The following UNKL variants were observed in gnomAD, a reference collection of about 807,000 sequenced individuals.
UNKL encodes the protein unk like zinc finger.
UNKL carries 60 observed loss-of-function variants against 78.0 expected under a neutral mutation model. The ratio of observed to expected loss-of-function variants is 0.77; its 90% CI spans 0.63 to 0.95. The LOEUF (loss-of-function observed/expected upper bound fraction) is 0.95. UNKL is among the 40% of genes least tolerant of loss of function. UNKL has a pLI of 0.00. For synonymous variants in UNKL, 608 were observed against 474.8 expected (o/e 1.28, Z -3.65); for missense variants, 1,159 against 1,045.7 (o/e 1.11, Z -1.49).
chr16:1,367,495 TC>T, intron 13 of UNKL, 146 bp from the exon 14 acceptor site: 1 of 97,000 alleles, frequency 1.0e-5, no homozygotes, highest in Non-Finnish European at 1.5e-5. Flanking sequence ...CCTCCCTCCC[TC>T]CCTCCCTCCC....
intron 10 of UNKL, among the ~76,000 whole-genome samples, chr16:1,372,721 G>A (rs959585535): frequency 4.6e-5 from 7 of 152,190 alleles, no homozygotes; most frequent in African/African-American, 1.2e-4. Flanking sequence ...CCAGAGGACC[G>A]CAGCGGCTGC....
At position 1,363,723 on chromosome 16, in the gene UNKL, G is replaced by GGCCCCAGGGCACACA. The variant is rs2035019095; in HGVS notation, c.*2502_*2516dup. ...CATGGCCACCAAGACAGGTGAGGGA[G>GGCCCCAGGGCACACA]GCCCCAGGGCACACAGCCCCAGGAT... On this transcript the variant is annotated 3_prime_UTR_variant, in exon 15 of 15. Transcript: ENST00000389221. 2 of 164,138 alleles carry GGCCCCAGGGCACACA rather than the reference G, an allele frequency of 1.2e-5. No homozygotes were observed. Among genetic ancestry groups the GGCCCCAGGGCACACA allele is most frequent in the Non-Finnish European group, 2.7e-5 (2 of 74,952 alleles). The allele number at this position is 164,138 out of a possible 1,614,324, so 10.2% of individuals were successfully genotyped here.
At chr16:1,411,045 T>C (rs118095050) in intron 2 of UNKL, among the ~76,000 whole-genome samples, 6,973 of 152,072 alleles carry the variant, frequency 0.046, 208 homozygotes, top group Middle Eastern at 0.1. Context: ...AGACTCCATC[T>C]CTACAAAAAA....
Position 1,384,211 on chromosome 16 carries a change from C to T in UNKL, c.1264+997G>A, listed in dbSNP as rs112780070. The stretch of plus-strand genomic sequence containing the variant: ...CACGGGTGTGGCCAGGTGTCCCCCA[C>T]CACCCCAACACGGTGGGTGTCCCCC... On this transcript the variant is annotated intron_variant, in intron 10 of 14. Coordinates refer to ENST00000389221, the MANE Select transcript of UNKL (RefSeq NM_001372107.1). Among the ~76,000 whole-genome samples, 250 of 150,940 alleles carry T rather than the reference C, an allele frequency of 1.7e-3. 3 individuals are homozygous for T. The highest frequency in any genetic ancestry group is 5.2e-3 in the African/African-American group (217 of 41,354).
intron 7 of UNKL, among the ~76,000 whole-genome samples, chr16:1,393,907 G>A (rs1489206088): frequency 6.6e-6 from 1 of 152,160 alleles, no homozygotes; most frequent in Non-Finnish European, 1.5e-5. Flanking sequence ...ATTCCACCAG[G>A]CCTGGCCCAC....
intron 10 of UNKL, chr16:1,379,673 G>C (rs2036513502): frequency 5.1e-6 from 5 of 984,286 alleles, no homozygotes; most frequent in Non-Finnish European, 6.0e-6. Context: ...CGCCGCCGCC[G>C]GGGATTCAAA....
chr16:1,398,679 G>GCGCGC, intron 5 of UNKL: 2 of 1,356,366 alleles, frequency 1.5e-6, no homozygotes, highest in Non-Finnish European at 1.9e-6. Context: ...TGTGGGGTCT[G>GCGCGC]CACCCCCCCA....
At chr16:1,366,987 G>C (rs1396154334) in intron 14 of UNKL, 105 bp downstream of exon 14, 1 of 1,435,116 alleles carries the variant, frequency 7.0e-7, no homozygotes, top group Admixed American at 2.8e-5. Context: ...GCAGACCCTG[G>C]GGCAGGGGAG....
At chr16:1,398,809 A>T in intron 5 of UNKL, 1 of 1,549,608 alleles carries the variant, frequency 6.5e-7, no homozygotes, top group Non-Finnish European at 8.7e-7. Context: ...GAGGTGCCAA[A>T]CCCACAAGCC....
At position 1,399,428 on chromosome 16, in the gene UNKL, G is replaced by A. The variant is rs1310090276; in HGVS notation, c.680C>T (p.Pro227Leu). The A allele has an allele frequency of 6.2e-7, 1 of 1,606,414 alleles. No individual in the cohort carries two copies. The highest frequency in any genetic ancestry group is 1.1e-5 in the South Asian group (1 of 89,868). The change falls in exon 5 of 15, where the codon CCA (proline) becomes CTA (leucine). Residue 227 changes from proline to leucine, a missense_variant. Coordinates refer to ENST00000389221, the MANE Select transcript of UNKL (RefSeq NM_001372107.1). This position sits in a 1 kb window ranked among gnomAD's most constrained non-coding sequence, Gnocchi z 5.8. The part of the protein sequence containing the change: ...PRLCRQGYAC[P>L]HYHNSRDRRR... Reference sequence around the variant, plus strand: ...CCTGTCCCGGCTATTGTGGTAGTGTGGGCACGCATAGCCCTGGCGGCACAG... The same window carrying A: ...CCTGTCCCGGCTATTGTGGTAGTGTAGGCACGCATAGCCCTGGCGGCACAG...
chr16:1,372,022 C>T (rs145121791), intron 10 of UNKL, among the ~76,000 whole-genome samples: 2,648 of 152,014 alleles, frequency 0.017, 34 homozygotes, highest in Middle Eastern at 0.034. Flanking sequence ...TTTGGGAGGC[C>T]GAGGTGGGCA....
rs986975770 is a variant in UNKL, at chr16:1,398,570, A to G, written c.734+804T>C. On this transcript the variant is annotated intron_variant, in intron 5 of 14. Transcript: ENST00000389221. ...GGGGCATGCGAGGCAGCACCAGGTCATTCAAAAGAGGCGAGGGTGGCTCTC... is the reference window on the plus strand; with the variant it reads ...GGGGCATGCGAGGCAGCACCAGGTCGTTCAAAAGAGGCGAGGGTGGCTCTC... 5.0e-6 allele frequency: 7 copies of G among 1,391,334 alleles called. No individual in the cohort carries two copies. In the Admixed American group the frequency reaches 9.3e-5, roughly 18 times the overall value. 86.2% of individuals were successfully genotyped at this position (1,391,334 alleles called of 1,614,324 possible).
At chr16:1,393,180 T>C (rs1028662139) in intron 7 of UNKL, among the ~76,000 whole-genome samples, 4 of 152,218 alleles carry the variant, frequency 2.6e-5, no homozygotes, top group African/African-American at 9.6e-5. Flanking sequence ...TTTCATGTTT[T>C]TAACACTAAA....
At chr16:1,381,395 G>A (rs1368176912) in intron 10 of UNKL, among the ~76,000 whole-genome samples, 5 of 152,280 alleles carry the variant, frequency 3.3e-5, no homozygotes, top group Non-Finnish European at 4.4e-5. Flanking sequence ...TGAGGTGGGC[G>A]GATCACCTGA....
At position 1,387,789 on chromosome 16, in the gene UNKL, G is replaced by A. The variant is rs2036874128; in HGVS notation, c.1087-2404C>T. 1.3e-5 allele frequency among the ~76,000 whole-genome samples: 2 copies of A among 151,974 alleles called. No individual in the cohort carries two copies. The highest frequency in any genetic ancestry group is 2.9e-5 in the Non-Finnish European group (2 of 67,942). On this transcript the variant is annotated intron_variant, in intron 9 of 14. Coordinates refer to ENST00000389221, the MANE Select transcript of UNKL (RefSeq NM_001372107.1). The surrounding 1 kb of genome is among the most constrained non-coding windows in gnomAD (Gnocchi z 4.1). Reference sequence around the variant, plus strand: ...CCGCCGCACGGCTGCCCGGCCTGCGGAAGCCCTCCCCCACCCCCGCCTCAT... The same window carrying A: ...CCGCCGCACGGCTGCCCGGCCTGCGAAAGCCCTCCCCCACCCCCGCCTCAT...
chr16:1,380,740 T>G (rs1218361282), intron 10 of UNKL, among the ~76,000 whole-genome samples: 1 of 134,528 alleles, frequency 7.4e-6, no homozygotes, highest in Non-Finnish European at 1.5e-5. Context: ...AGTGGCACGA[T>G]CTCAGCTCAC....
intron 6 of UNKL, chr16:1,395,558 C>T (rs2037223636): frequency 2.5e-6 from 1 of 400,160 alleles, no homozygotes; most frequent in South Asian, 1.8e-5. Context: ...TACCCTGCAC[C>T]TTCTAGTGGA....
At chr16:1,374,504 G>A (rs1266834940) in intron 10 of UNKL, among the ~76,000 whole-genome samples, 3 of 152,148 alleles carry the variant, frequency 2.0e-5, no homozygotes, top group South Asian at 2.1e-4. Context: ...AAACCTGTCA[G>A]ACCCGACCGT....
rs185665615 is a variant in UNKL, at chr16:1,385,498, C to T, written c.1087-113G>A. On this transcript the variant is annotated intron_variant, in intron 9 of 14. Transcript: ENST00000389221. ...ACGGCGGCCAACTTCTACGCCCTGG[C>T]GAGGCCCAGGGAGAGCTTCCCAGAC... The T allele has an allele frequency of 7.7e-5, 88 of 1,135,522 alleles. No homozygotes were observed. In the African/African-American group the frequency reaches 1.3e-3, roughly 17 times the overall value. 70.3% of individuals were successfully genotyped at this position (1,135,522 alleles called of 1,614,324 possible).
Sources: gnomAD v4.1 joint callset for allele counts (sites outside exome capture counted in the v4.1 genomes callset) on GRCh38, gnomAD v4.1.1 for gene constraint, Gnocchi (gnomAD v3.1) non-coding constraint, MANE v1.5 for transcripts, NCBI Gene and HGNC (gene_info 2026-07-23, HGNC 2026-07-21) for gene names.